Variants in TLK1 observed in about 807,000 individuals in gnomAD.
TLK1 encodes serine/threonine-protein kinase tousled-like 1.
In TLK1, 24 loss-of-function variants were observed where a neutral mutation model predicts 105.3. The observed-to-expected ratio is 0.23, with a 90% CI of 0.17 to 0.32. The LOEUF is 0.32. Among genes scored for constraint, TLK1 ranks in the 10% least tolerant of loss-of-function variants. TLK1 has a pLI of 1.00. For missense variants in TLK1, 558 were observed against 910.5 expected, an observed-to-expected ratio of 0.61 and a Z score of 4.98; for synonymous variants, 321 against 310.4, an observed-to-expected ratio of 1.03 and a Z score of -0.36.
chr2:171,143,658 T>C (rs534183700), intron 1 of TLK1, among the ~76,000 whole-genome samples: 38 of 150,612 alleles, frequency 2.5e-4, no homozygotes, highest in Non-Finnish European at 3.1e-4. Flanking sequence ...AGCTAAGATA[T>C]ATAAATGTAA....
intron 1 of TLK1, among the ~76,000 whole-genome samples, chr2:171,177,102 G>C (rs943004758): frequency 1.3e-5 from 2 of 150,660 alleles, no homozygotes; most frequent in African/African-American, 2.4e-5. Flanking sequence ...CAAAGTGCTG[G>C]GATTACAGGC....
intron 1 of TLK1, among the ~76,000 whole-genome samples, chr2:171,169,490 A>G (rs1270237766): frequency 3.3e-5 from 5 of 152,218 alleles, no homozygotes; most frequent in African/African-American, 1.2e-4. Context: ...AGTTCTCACT[A>G]TCTTTCCCAG....
chr2:171,035,603 C>G (rs1686290465), intron 11 of TLK1, among the ~76,000 whole-genome samples: 1 of 152,174 alleles, frequency 6.6e-6, no homozygotes, highest in Non-Finnish European at 1.5e-5. Flanking sequence ...CAAAGACTTC[C>G]ATATCCTAAT....
In TLK1 at chr2:171,160,482, G is replaced by T; in HGVS notation, c.-54C>A. ...CCCCTGCGACGGCAGCGGCGGCAACGGCACCGGCACCCGCCTCCGTCATGG... is the reference window on the plus strand; with the variant it reads ...CCCCTGCGACGGCAGCGGCGGCAACTGCACCGGCACCCGCCTCCGTCATGG... On this transcript the variant is annotated 5_prime_UTR_variant, in exon 1 of 21. Transcript: ENST00000431350. The surrounding 1 kb of genome is among the most constrained non-coding windows in gnomAD (Gnocchi z 4.4). The T allele has an allele frequency of 6.4e-7, 1 of 1,569,592 alleles. No individual in the cohort carries two copies. Among genetic ancestry groups the T allele is most frequent in the Non-Finnish European group, 8.6e-7 (1 of 1,162,708 alleles).
chr2:171,078,112 T>C (rs758934211), intron 3 of TLK1, among the ~76,000 whole-genome samples: 2 of 152,198 alleles, frequency 1.3e-5, no homozygotes, highest in Non-Finnish European at 2.9e-5. Context: ...CTACACTTGT[T>C]ATCTTCCTTC....
At chr2:171,227,076 C>G (rs1693910514) in intron 1 of TLK1, among the ~76,000 whole-genome samples, 1 of 152,110 alleles carries the variant, frequency 6.6e-6, no homozygotes, top group Non-Finnish European at 1.5e-5. Flanking sequence ...TCTGCAGGGA[C>G]TGTTTGTTTA....
At chr2:171,071,373 T>G (rs1035540211) in intron 3 of TLK1, among the ~76,000 whole-genome samples, 1 of 152,088 alleles carries the variant, frequency 6.6e-6, no homozygotes, top group Non-Finnish European at 1.5e-5. Context: ...CTGCAAGCTC[T>G]GCCTCCCGGG....
intron 3 of TLK1, among the ~76,000 whole-genome samples, chr2:171,072,604 A>G (rs1205049742): frequency 1.3e-5 from 2 of 152,148 alleles, no homozygotes; most frequent in South Asian, 4.1e-4. Context: ...CTAAAAATAC[A>G]TTTAAAAAAA....
At chr2:171,122,814 G>A (rs557225976) in intron 1 of TLK1, among the ~76,000 whole-genome samples, 4 of 151,900 alleles carry the variant, frequency 2.6e-5, no homozygotes, top group African/African-American at 4.8e-5. Context: ...TGAGGAGGGC[G>A]GATCACTTAA....
At chr2:171,057,095 A>C (rs1011463568) in intron 5 of TLK1, among the ~76,000 whole-genome samples, 4 of 152,066 alleles carry the variant, frequency 2.6e-5, no homozygotes, top group African/African-American at 9.7e-5. Context: ...TAAAAAATCA[A>C]TTCTTCTGTA....
intron 10 of TLK1, among the ~76,000 whole-genome samples, chr2:171,047,411 A>G (rs1485227100): frequency 4.6e-5 from 7 of 152,174 alleles, no homozygotes; most frequent in African/African-American, 1.7e-4. Context: ...CCTCTCCCCA[A>G]CCACTGACAT....
intron 2 of TLK1, among the ~76,000 whole-genome samples, chr2:171,102,514 T>C (rs141671646): frequency 3.6e-4 from 55 of 152,332 alleles, no homozygotes; most frequent in African/African-American, 1.3e-3. Flanking sequence ...TCATATGCTA[T>C]CAGGGTCTGG....
intron 2 of TLK1, among the ~76,000 whole-genome samples, chr2:171,111,732 T>C (rs1277308318): frequency 6.6e-6 from 1 of 152,168 alleles, no homozygotes; most frequent in African/African-American, 2.4e-5. Flanking sequence ...CCAGTTCATT[T>C]TGTGAGGCTA....
intron 1 of TLK1, among the ~76,000 whole-genome samples, chr2:171,149,943 C>A (rs1691963882): frequency 6.6e-6 from 1 of 151,760 alleles, no homozygotes; most frequent in South Asian, 2.1e-4. Context: ...AAAGAAAGAA[C>A]AAACGAACGA....
intron 1 of TLK1, among the ~76,000 whole-genome samples, chr2:171,219,323 C>G (rs1035885477): frequency 2.0e-5 from 3 of 152,218 alleles, no homozygotes; most frequent in Non-Finnish European, 2.9e-5. Context: ...ACTCTAATCT[C>G]TGCCTCTGTG....
intron 20 of TLK1, among the ~76,000 whole-genome samples, chr2:170,994,267 C>T (rs542999637): frequency 6.6e-6 from 1 of 152,296 alleles, no homozygotes; most frequent in South Asian, 2.1e-4. Flanking sequence ...TTCTGCTAAA[C>T]AGTCCTCCCA....
intron 11 of TLK1, among the ~76,000 whole-genome samples, chr2:171,043,875 A>G (rs1686811417): frequency 6.6e-6 from 1 of 152,150 alleles, no homozygotes; most frequent in Non-Finnish European, 1.5e-5. Flanking sequence ...CATCCCACCC[A>G]GCCCACACTT....
chr2:171,099,393 T>C (rs1337205935), intron 2 of TLK1, among the ~76,000 whole-genome samples: 1 of 152,186 alleles, frequency 6.6e-6, no homozygotes, highest in African/African-American at 2.4e-5. Flanking sequence ...GTTGTGTTCA[T>C]GTGCTAGAAG....
At chr2:171,131,103 A>T (rs1027862641) in intron 1 of TLK1, among the ~76,000 whole-genome samples, 2 of 133,122 alleles carry the variant, frequency 1.5e-5, no homozygotes, top group Admixed American at 1.5e-4. Flanking sequence ...AGAGATCTAT[A>T]TATCTATATA....
Sources: allele counts gnomAD v4.1 joint callset (sites outside exome capture counted in the v4.1 genomes callset), GRCh38; gene constraint gnomAD v4.1.1; non-coding constraint Gnocchi (gnomAD v3.1); transcripts MANE v1.5; gene names NCBI Gene and HGNC (gene_info 2026-07-23, HGNC 2026-07-21).